The following FAF1 variants were observed in gnomAD, a reference collection of about 807,000 sequenced individuals.
The protein encoded by FAF1 is Fas associated factor 1.
FAF1 carries 25 observed loss-of-function variants against 92.5 expected under a neutral mutation model. The ratio of observed to expected loss-of-function variants is 0.27; its 90% confidence interval spans 0.20 to 0.38. The LOEUF (loss-of-function observed/expected upper bound fraction) is 0.38. Among genes scored for constraint, FAF1 ranks in the 10% least tolerant of loss-of-function variants. FAF1 has a pLI of 1.00. For synonymous variants in FAF1, 234 were observed against 273.2 expected (o/e 0.86, Z 1.42); for missense variants, 636 against 793.3 (o/e 0.80, Z 2.38).
At chr1:50,667,209 T>C (rs1227878359) in intron 7 of FAF1, among the ~76,000 whole-genome samples, 2 of 152,340 alleles carry the variant, frequency 1.3e-5, no homozygotes, top group Non-Finnish European at 1.5e-5. Context: ...TAAAAATAGT[T>C]AAACTTTATC....
chr1:50,882,917 C>T (rs189827024), intron 1 of FAF1, among the ~76,000 whole-genome samples: 33 of 146,442 alleles, frequency 2.3e-4, no homozygotes, highest in Admixed American at 1.3e-3. Flanking sequence ...ACACGGGAGG[C>T]GGGTTGTAGT....
intron 18 of FAF1, among the ~76,000 whole-genome samples, chr1:50,468,007 G>A (rs779772692): frequency 6.6e-5 from 10 of 152,216 alleles, no homozygotes; most frequent in Admixed American, 4.6e-4. Flanking sequence ...CCAGGAGTTC[G>A]AGACTAGTCT....
chr1:50,685,169 C>T (rs1656601354), intron 7 of FAF1, among the ~76,000 whole-genome samples: 1 of 152,174 alleles, frequency 6.6e-6, no homozygotes. Flanking sequence ...CAAGAAATCA[C>T]ATCCTTTTAA....
At chr1:50,734,611 G>A (rs1659063502) in intron 6 of FAF1, among the ~76,000 whole-genome samples, 1 of 151,876 alleles carries the variant, frequency 6.6e-6, no homozygotes, top group Non-Finnish European at 1.5e-5. Flanking sequence ...GCGGGCGCCT[G>A]TATTCCCAGC....
At chr1:50,714,187 A>AT (rs999912774) in intron 6 of FAF1, among the ~76,000 whole-genome samples, 11 of 151,256 alleles carry the variant, frequency 7.3e-5, no homozygotes, top group Admixed American at 6.6e-4. Context: ...CTTCATTATG[A>AT]TTTTTTTTCA....
chr1:50,648,519 T>A (rs145367376), intron 8 of FAF1, among the ~76,000 whole-genome samples: 1 of 152,324 alleles, frequency 6.6e-6, no homozygotes, highest in African/African-American at 2.4e-5. Context: ...GAAGGGAAGT[T>A]TCAGACTAAA....
intron 9 of FAF1, among the ~76,000 whole-genome samples, chr1:50,595,735 G>T (rs1054907561): frequency 6.6e-6 from 1 of 151,952 alleles, no homozygotes; most frequent in Non-Finnish European, 1.5e-5. Flanking sequence ...TAGAGACGGG[G>T]TTTTACTATG....
intron 18 of FAF1, among the ~76,000 whole-genome samples, chr1:50,462,012 ATATATATTT>A (rs1646437365): frequency 6.8e-6 from 1 of 148,054 alleles, no homozygotes; most frequent in African/African-American, 2.4e-5. Flanking sequence ...TATATACATT[ATATATATTT>A]TATATATTAT....
chr1:50,787,200 A>C (rs981181905), intron 4 of FAF1, among the ~76,000 whole-genome samples: 17 of 152,180 alleles, frequency 1.1e-4, no homozygotes. Flanking sequence ...CCTTTTGAAA[A>C]ACAGCATTTT....
chr1:50,571,498 G>C, intron 12 of FAF1, among the ~76,000 whole-genome samples: 1 of 152,200 alleles, frequency 6.6e-6, no homozygotes, highest in African/African-American at 2.4e-5. Context: ...TAGCTGTTAG[G>C]ATGAAGATTC....
At chr1:50,776,360 G>C (rs1382958425) in intron 4 of FAF1, among the ~76,000 whole-genome samples, 10 of 152,088 alleles carry the variant, frequency 6.6e-5, no homozygotes, top group Admixed American at 6.6e-4. Flanking sequence ...AGCTCTTCCA[G>C]TTTTATTTGT....
chr1:50,660,704 G>C (rs1557461495), intron 7 of FAF1, among the ~76,000 whole-genome samples: 1 of 152,006 alleles, frequency 6.6e-6, no homozygotes, highest in Non-Finnish European at 1.5e-5. Context: ...ATGTTGGCCA[G>C]GCTAGTCTCG....
At chr1:50,464,118 A>G (rs748013556) in intron 18 of FAF1, among the ~76,000 whole-genome samples, 3 of 152,168 alleles carry the variant, frequency 2.0e-5, no homozygotes, top group Non-Finnish European at 4.4e-5. Context: ...TCTTGAATGT[A>G]CCATGTGCCA....
intron 12 of FAF1, among the ~76,000 whole-genome samples, chr1:50,572,368 G>A (rs960911860): frequency 2.6e-5 from 4 of 151,990 alleles, no homozygotes; most frequent in Non-Finnish European, 4.4e-5. Flanking sequence ...TCACACCTAA[G>A]ACATTTAATA....
intron 4 of FAF1, 70 bp downstream of exon 4, chr1:50,787,930 A>G (rs927724029): frequency 6.1e-6 from 8 of 1,317,756 alleles, no homozygotes; most frequent in Non-Finnish European, 7.5e-6. Context: ...AACTAGAAAT[A>G]AAAAAAATAT....
At chr1:50,554,521 C>T (rs1045701772) in intron 13 of FAF1, among the ~76,000 whole-genome samples, 5 of 151,576 alleles carry the variant, frequency 3.3e-5, no homozygotes, top group Admixed American at 6.6e-5. Context: ...CTTAAAAAGC[C>T]GTACTATAGT....
At chr1:50,898,854 G>A (rs1474119831) in intron 1 of FAF1, among the ~76,000 whole-genome samples, 3 of 152,074 alleles carry the variant, frequency 2.0e-5, no homozygotes, top group African/African-American at 7.2e-5. Context: ...CCCTGTGTTT[G>A]GGGTTCAATG....
intron 2 of FAF1, among the ~76,000 whole-genome samples, chr1:50,805,956 A>T (rs981144463): frequency 6.6e-6 from 1 of 152,224 alleles, no homozygotes; most frequent in African/African-American, 2.4e-5. Context: ...GACACCAAGA[A>T]AACAAAGAAG....
At chr1:50,441,639 T>G (rs991111958) in intron 18 of FAF1, 116 bp from the exon 19 acceptor site, 4 of 518,024 alleles carry the variant, frequency 7.7e-6, no homozygotes, top group African/African-American at 5.9e-5. Context: ...ACGAAGAGTC[T>G]CGCAGTATCT....
Sources: allele counts gnomAD v4.1 joint callset (sites outside exome capture counted in the v4.1 genomes callset), GRCh38; gene constraint gnomAD v4.1.1; transcripts MANE v1.5; gene names NCBI Gene and HGNC (gene_info 2026-07-23, HGNC 2026-07-21).